ZCCHC14: variants seen among roughly 807,000 people sequenced by gnomAD.
ZCCHC14 encodes zinc finger CCHC domain-containing protein 14.
Under a neutral mutation model 85.0 loss-of-function variants are expected in ZCCHC14, and 16 were observed. That is an observed-to-expected ratio of 0.19 (90% CI 0.13 to 0.29). The LOEUF (loss-of-function observed/expected upper bound fraction) is 0.29, where lower values mean the gene tolerates loss of function less well. ZCCHC14 is among the 10% of genes least tolerant of loss of function. ZCCHC14 has a pLI of 1.00. For synonymous variants in ZCCHC14, 775 were observed against 630.7 expected, an observed-to-expected ratio of 1.23 and a Z score of -3.43; for missense variants, 1,303 against 1,443.5, an observed-to-expected ratio of 0.90 and a Z score of 1.58.
In ZCCHC14 at chr16:87,412,639, G is replaced by A. The variant is rs771765194; in HGVS notation, c.2082C>T (p.Ser694=). 13 of 1,614,088 alleles carry A rather than the reference G, an allele frequency of 8.1e-6. No individual in the cohort carries two copies. The highest frequency in any genetic ancestry group is 2.2e-5 in the East Asian group (1 of 44,886). ...ACGCGGGCAGCACGTCCATCATGGC[G>A]CTGCCAAAGCTCTTGTCCACTTTCA... ...SSMKVDKSFG[S]AMMDVLPASA... is the part of the protein sequence containing the mutation. The change falls in exon 12 of 13, where the codon AGC becomes AGT. Residue 694 remains serine (S), a synonymous_variant. Transcript: ENST00000671377.
intron 1 of ZCCHC14, among the ~76,000 whole-genome samples, chr16:87,484,301 C>A (rs1448563425): frequency 6.6e-6 from 1 of 152,212 alleles, no homozygotes; most frequent in Non-Finnish European, 1.5e-5. Context: ...CATGCAGCAG[C>A]CTCTGGCACT....
Position 87,491,816 on chromosome 16 carries a change from G to C in ZCCHC14, c.423C>G (p.Asn141Lys). The C allele has an allele frequency of 6.3e-7, 1 of 1,586,046 alleles. No individual in the cohort carries two copies. The highest frequency in any genetic ancestry group is 8.5e-7 in the Non-Finnish European group (1 of 1,170,222). The change falls in exon 1 of 13, where the codon AAC (asparagine) becomes AAG (lysine). Residue 141 changes from asparagine to lysine, a missense_variant. Physicochemically the swap from Asn to Lys is moderately conservative, Grantham distance 94. This residue lies in a region of ZCCHC14 where 389 missense variants were observed against 397.8 expected (regional missense o/e 0.98). Coordinates refer to ENST00000671377, the MANE Select transcript of ZCCHC14 (RefSeq NM_015144.3). The surrounding 1 kb of genome is among the most constrained non-coding windows in gnomAD (Gnocchi z 5.9). Reference protein sequence around the residue: ...EFLLLFTMASNHPAFSFHQKQ... With the variant: ...EFLLLFTMASKHPAFSFHQKQ... ...TCTGGTGGAAGCTGAAGGCCGGGTG[G>C]TTGGAGGCCATGGTGAACAGCAGCA... is the stretch of plus-strand genomic sequence containing the variant.
At chr16:87,460,582 C>A (rs1158786817) in intron 1 of ZCCHC14, among the ~76,000 whole-genome samples, 1 of 151,948 alleles carries the variant, frequency 6.6e-6, no homozygotes, top group Non-Finnish European at 1.5e-5. Context: ...CCCAGCTACT[C>A]GGGAGGCTGA....
At chr16:87,490,391 T>A (rs951655278) in intron 1 of ZCCHC14, among the ~76,000 whole-genome samples, 20 of 152,212 alleles carry the variant, frequency 1.3e-4, no homozygotes, top group African/African-American at 4.3e-4. Flanking sequence ...ACCTATTCCC[T>A]TCCAAAAAAT....
At chr16:87,459,948 C>T (rs1458566844) in intron 2 of ZCCHC14, 60 bp downstream of exon 2, 2 of 1,611,298 alleles carry the variant, frequency 1.2e-6, no homozygotes, top group African/African-American at 2.7e-5. Context: ...TCACGGGGAT[C>T]TGGGGTGTGC....
chr16:87,454,672 GA>G (rs1555522821), intron 2 of ZCCHC14, among the ~76,000 whole-genome samples: 3 of 152,216 alleles, frequency 2.0e-5, no homozygotes. Flanking sequence ...CAATTTTCAG[GA>G]TAAAATGAAG....
chr16:87,421,179 G>A (rs1374602319), intron 4 of ZCCHC14, among the ~76,000 whole-genome samples: 3 of 152,194 alleles, frequency 2.0e-5, no homozygotes, highest in Non-Finnish European at 2.9e-5. Flanking sequence ...GTTCCTTTCC[G>A]CAGGAGGAGC....
rs568701011 is a variant in ZCCHC14, at chr16:87,486,443, GCT to G, written c.570+5224_570+5225del. 2.4e-4 allele frequency among the ~76,000 whole-genome samples: 36 copies of G among 152,320 alleles called. No individual in the cohort carries two copies. In the East Asian group the frequency reaches 6.9e-3, roughly 29 times the overall value. ...CAGGTTTACAGCCGAGGAGCAACAG[GCT>G]CTACAATGTGGCCCAGAGGTGTAGC... On this transcript the variant is annotated intron_variant, in intron 1 of 12. Transcript: ENST00000671377.
At chr16:87,457,972 G>C (rs1219703168) in intron 2 of ZCCHC14, among the ~76,000 whole-genome samples, 1 of 152,120 alleles carries the variant, frequency 6.6e-6, no homozygotes, top group Non-Finnish European at 1.5e-5. Context: ...CGTGGCCTCA[G>C]AGCCGACCCG....
In ZCCHC14 at chr16:87,459,979, G is replaced by A. The variant is rs747752882; in HGVS notation, c.694+29C>T. On this transcript the variant is annotated intron_variant, in intron 2 of 12. Coordinates refer to ENST00000671377, the MANE Select transcript of ZCCHC14 (RefSeq NM_015144.3). ...TGTGCCCATCCTCCGTCCGTCAGAC[G>A]TCCTCCTGAAACCCGTGCGTGCACT... 1.5e-5 allele frequency: 25 copies of A among 1,613,616 alleles called. No individual in the cohort carries two copies. The Admixed American group carries it at 3.0e-4, about 19-fold the overall frequency.
chr16:87,478,886 T>C (rs1822718937), intron 1 of ZCCHC14, among the ~76,000 whole-genome samples: 1 of 152,052 alleles, frequency 6.6e-6, no homozygotes, highest in African/African-American at 2.4e-5. Context: ...ATTACAGGCG[T>C]GAGCCACCGC....
chr16:87,441,153 C>G (rs1242160485), intron 2 of ZCCHC14, among the ~76,000 whole-genome samples: 1 of 152,086 alleles, frequency 6.6e-6, no homozygotes, highest in African/African-American at 2.4e-5. Context: ...CCACCACGCC[C>G]AGCTAATTTT....
chr16:87,428,264 G>A (rs557431341), intron 3 of ZCCHC14, among the ~76,000 whole-genome samples: 1 of 152,268 alleles, frequency 6.6e-6, no homozygotes, highest in Admixed American at 6.5e-5. Context: ...CGAGAAACAG[G>A]CTGAGAAAAT....
Position 87,448,424 on chromosome 16 carries a change from C to T in ZCCHC14, c.694+11584G>A, listed in dbSNP as rs556546355. 9.9e-5 allele frequency among the ~76,000 whole-genome samples: 15 copies of T among 152,268 alleles called. No homozygotes were observed. The East Asian group carries it at 2.9e-3, about 29-fold the overall frequency. ...CTCGACATGGGTGTTTTCAACTCAC[C>T]TTTCTCAGCACTCAGTCTGCCCTTT... On this transcript the variant is annotated intron_variant, in intron 2 of 12. Coordinates refer to ENST00000671377, the MANE Select transcript of ZCCHC14 (RefSeq NM_015144.3).
At position 87,491,712 on chromosome 16, in the gene ZCCHC14, G is replaced by A; in HGVS notation, c.527C>T (p.Pro176Leu). ...AGTGGGCAGCGCGCCGCCCGGCCCG[G>A]GCGCGCCCTTGCCGCCGTGGCCCCC... ...GGGGHGGKGAPGPGGALPTCP... is the reference protein window; with the variant it reads ...GGGGHGGKGALGPGGALPTCP... Residue 176 changes from proline (P) to leucine (L), a missense_variant, in exon 1 of 13, where the codon CCC becomes CTC. Pro to Leu is a moderately conservative substitution (Grantham distance 98). Coordinates refer to ENST00000671377, the MANE Select transcript of ZCCHC14 (RefSeq NM_015144.3). This position sits in a 1 kb window ranked among gnomAD's most constrained non-coding sequence, Gnocchi z 5.9. 3 of 1,531,820 alleles carry A rather than the reference G, an allele frequency of 2.0e-6. No homozygotes were observed. The highest frequency in any genetic ancestry group is 2.6e-6 in the Non-Finnish European group (3 of 1,145,030). The allele number at this position is 1,531,820 out of a possible 1,614,324, so 94.9% of individuals were successfully genotyped here. A position where few individuals can be genotyped will look rare whatever the true frequency, so the allele number is the denominator to read the frequency against.
chr16:87,410,257 C>T lies in ZCCHC14; in HGVS notation c.*23G>A, dbSNP rs754950032. ...TCCTTATGTCTCCATGGCTTAATAA[C>T]GTTCTGTTGCCAGAGAAAAATATCA... On this transcript the variant is annotated 3_prime_UTR_variant, in exon 13 of 13. Coordinates refer to ENST00000671377, the MANE Select transcript of ZCCHC14 (RefSeq NM_015144.3). 5.3e-6 allele frequency: 4 copies of T among 753,532 alleles called. No homozygotes were observed. The highest frequency in any genetic ancestry group is 1.9e-5 in the Admixed American group (1 of 52,690). 46.7% of individuals were successfully genotyped at this position (753,532 alleles called of 1,614,324 possible).
At chr16:87,452,111 GC>G (rs1433545489) in intron 2 of ZCCHC14, among the ~76,000 whole-genome samples, 1 of 152,228 alleles carries the variant, frequency 6.6e-6, no homozygotes, top group Non-Finnish European at 1.5e-5. Context: ...CTGAAGAGGG[GC>G]AAGGCCAGAG....
chr16:87,477,265 T>A (rs1912062033), intron 1 of ZCCHC14, among the ~76,000 whole-genome samples: 1 of 150,576 alleles, frequency 6.6e-6, no homozygotes, highest in African/African-American at 2.5e-5. Flanking sequence ...CCCAACAAAA[T>A]ATCAGACTGC....
intron 1 of ZCCHC14, among the ~76,000 whole-genome samples, chr16:87,475,388 CA>C (rs921665289): frequency 6.6e-6 from 1 of 151,366 alleles, no homozygotes; most frequent in South Asian, 2.1e-4. Context: ...CCTGTCTCTA[CA>C]AAAAAATAAA....
Sources: allele counts gnomAD v4.1 joint callset (sites outside exome capture counted in the v4.1 genomes callset), GRCh38; gene constraint gnomAD v4.1.1; regional missense constraint gnomAD v4.1.1; non-coding constraint Gnocchi (gnomAD v3.1); transcripts MANE v1.5; gene names NCBI Gene and HGNC (gene_info 2026-07-23, HGNC 2026-07-21).